Variants in LIMA1 observed in about 807,000 individuals in gnomAD.
LIMA1 encodes the protein LIM domain and actin binding 1, also known as LIM domain and actin-binding protein 1.
Under a neutral mutation model 62.6 loss-of-function variants are expected in LIMA1, and 52 were observed. The observed-to-expected ratio is 0.83, with a 90% confidence interval of 0.67 to 1.05. The LOEUF (loss-of-function observed/expected upper bound fraction) is 1.05. Among genes scored for constraint, LIMA1 ranks in the 50% least tolerant of loss-of-function variants. The probability of loss-of-function intolerance (pLI) is 0.00; values close to 1 mark genes in which losing one functional copy is unlikely to be tolerated. For missense variants in LIMA1, 780 were observed against 902.2 expected (o/e 0.86, Z 1.74); for synonymous variants, 302 against 317.8 (o/e 0.95, Z 0.53).
chr12:50,232,912 A>G (rs1470380017), intron 2 of LIMA1, among the ~76,000 whole-genome samples: 12 of 152,218 alleles, frequency 7.9e-5, no homozygotes, highest in Non-Finnish European at 1.5e-5. Context: ...GCCTCAACCC[A>G]GGAGGCGGAG....
intron 2 of LIMA1, among the ~76,000 whole-genome samples, chr12:50,246,231 C>CAAAAAAA (rs923214910): frequency 1.9e-5 from 1 of 51,360 alleles, no homozygotes. Context: ...GACTCCATCT[C>CAAAAAAA]AAAAAAAAAA....
intron 3 of LIMA1, among the ~76,000 whole-genome samples, chr12:50,230,316 G>T (rs919116863): frequency 6.6e-6 from 1 of 152,180 alleles, no homozygotes; most frequent in African/African-American, 2.4e-5. Context: ...GATTATAGGC[G>T]TGAGCCACCG....
intron 4 of LIMA1, among the ~76,000 whole-genome samples, chr12:50,213,629 G>C (rs1941295099): frequency 1.3e-5 from 2 of 152,186 alleles, no homozygotes; most frequent in South Asian, 4.1e-4. Context: ...TGATGAGTTA[G>C]AATGAGTTAG....
intron 4 of LIMA1, among the ~76,000 whole-genome samples, chr12:50,215,570 C>T (rs1316678036): frequency 6.6e-6 from 1 of 152,008 alleles, no homozygotes; most frequent in Non-Finnish European, 1.5e-5. Flanking sequence ...CCCGGGTTCA[C>T]GCCATTCTCC....
chr12:50,221,006 G>A (rs890038705), intron 4 of LIMA1, among the ~76,000 whole-genome samples: 1 of 152,184 alleles, frequency 6.6e-6, no homozygotes, highest in Non-Finnish European at 1.5e-5. Flanking sequence ...GGCACTGCAA[G>A]TCATGGGAAG....
chr12:50,212,466 ACT>A (rs2138518015), intron 4 of LIMA1, among the ~76,000 whole-genome samples: 1 of 152,198 alleles, frequency 6.6e-6, no homozygotes, highest in Non-Finnish European at 1.5e-5. Flanking sequence ...TTCTTCAGGG[ACT>A]CTCTTAGAAA....
chr12:50,179,245 G>A (rs186620287), intron 10 of LIMA1, among the ~76,000 whole-genome samples: 2 of 150,830 alleles, frequency 1.3e-5, no homozygotes, highest in East Asian at 2.0e-4. Flanking sequence ...GGGTTCAAGC[G>A]ATTCTCCTAC....
At chr12:50,219,442 A>G (rs1290368415) in intron 4 of LIMA1, among the ~76,000 whole-genome samples, 1 of 152,100 alleles carries the variant, frequency 6.6e-6, no homozygotes, top group Non-Finnish European at 1.5e-5. Flanking sequence ...CCGAGATCGC[A>G]CCAATACACT....
intron 1 of LIMA1, among the ~76,000 whole-genome samples, chr12:50,258,171 G>A (rs1384091026): frequency 1.3e-5 from 2 of 152,084 alleles, no homozygotes; most frequent in Non-Finnish European, 2.9e-5. Flanking sequence ...TTCTTTTATG[G>A]GAGAAGTTAG....
Position 50,178,592 on chromosome 12 carries a change from T to A in LIMA1, c.1275-523A>T, listed in dbSNP as rs115158263. On this transcript the variant is annotated intron_variant, in intron 10 of 10. Coordinates refer to ENST00000341247, the MANE Select transcript of LIMA1 (RefSeq NM_016357.5). ...AGAAACTTTAAATCATTCTGAGCCT[T>A]GAGAGGAATGTGGCTATGCAACCTG... 8.4e-3 allele frequency among the ~76,000 whole-genome samples: 1,271 copies of A among 151,470 alleles called. 10 individuals are homozygous for A. Among genetic ancestry groups the A allele is most frequent in the African/African-American group, 0.029 (1,183 of 41,302 alleles).
chr12:50,268,174 C>T (rs555364163), intron 1 of LIMA1, among the ~76,000 whole-genome samples: 98 of 152,202 alleles, frequency 6.4e-4, no homozygotes, highest in African/African-American at 2.2e-3. Flanking sequence ...ATGAGTGCCT[C>T]GTTTCTGCGG....
chr12:50,224,335 G>A (rs949230648), intron 3 of LIMA1: 6 of 152,196 alleles, frequency 3.9e-5, no homozygotes, highest in Non-Finnish European at 8.8e-5. Context: ...TTATAGAACT[G>A]CTTGATTCTA....
chr12:50,226,049 T>G (rs998076486), intron 3 of LIMA1, among the ~76,000 whole-genome samples: 4 of 152,128 alleles, frequency 2.6e-5, no homozygotes, highest in African/African-American at 9.7e-5. Context: ...ATTTATTTAT[T>G]TACTTATTTA....
At chr12:50,201,502 A>G (rs1181546216) in intron 6 of LIMA1, 5 of 984,116 alleles carry the variant, frequency 5.1e-6, no homozygotes, top group Admixed American at 6.2e-5. Flanking sequence ...AACATAAAAG[A>G]ACATGCATTT....
intron 1 of LIMA1, among the ~76,000 whole-genome samples, chr12:50,264,595 T>A (rs1942116279): frequency 1.3e-5 from 2 of 152,172 alleles, no homozygotes; most frequent in South Asian, 4.1e-4. Context: ...CTCTGTACTT[T>A]ACTTTCCTTC....
chr12:50,248,619 G>A lies in LIMA1; in HGVS notation c.119+14C>T. The A allele has an allele frequency of 6.6e-7, 1 of 1,513,344 alleles. No individual in the cohort carries two copies. The allele number at this position is 1,513,344 out of a possible 1,614,324, so 93.7% of individuals were successfully genotyped here. On this transcript the variant is annotated intron_variant, in intron 2 of 10. Coordinates refer to ENST00000341247, the MANE Select transcript of LIMA1 (RefSeq NM_016357.5). Reference sequence around the variant, plus strand: ...CCAGACAGATGGTCCTTTTGGACCAGGATCAGCACTTACTTGGAGAATATT... The same window carrying A: ...CCAGACAGATGGTCCTTTTGGACCAAGATCAGCACTTACTTGGAGAATATT...
chr12:50,181,112 CAAAAA>C (rs35433011), intron 10 of LIMA1, among the ~76,000 whole-genome samples: 3 of 71,106 alleles, frequency 4.2e-5, no homozygotes, highest in African/African-American at 5.4e-5. Flanking sequence ...ACTCTGTATC[CAAAAA>C]AAAAAAAAAA....
At chr12:50,271,006 G>A (rs978162867) in intron 1 of LIMA1, among the ~76,000 whole-genome samples, 4 of 152,034 alleles carry the variant, frequency 2.6e-5, no homozygotes, top group African/African-American at 9.7e-5. Context: ...GCAGGAGAAT[G>A]GCATGAACCC....
chr12:50,194,142 C>T (rs1210600595), intron 8 of LIMA1, among the ~76,000 whole-genome samples: 5 of 150,624 alleles, frequency 3.3e-5, no homozygotes, highest in African/African-American at 1.2e-4. Flanking sequence ...CACCCACCAC[C>T]ACATCCGGCT....
Sources: gnomAD v4.1 joint callset for allele counts (sites outside exome capture counted in the v4.1 genomes callset) on GRCh38, gnomAD v4.1.1 for gene constraint, MANE v1.5 for transcripts, NCBI Gene and HGNC (gene_info 2026-07-23, HGNC 2026-07-21) for gene names.